Variants in CLNK observed in about 807,000 individuals in gnomAD.
CLNK encodes the protein cytokine-dependent hematopoietic cell linker.
A neutral mutation model predicts 68.6 loss-of-function variants in CLNK; 74 were observed. The ratio of observed to expected loss-of-function variants is 1.08; its 90% CI spans 0.89 to 1.31. The LOEUF (loss-of-function observed/expected upper bound fraction) is 1.31, where lower values mean the gene tolerates loss of function less well. Among genes scored for constraint, CLNK ranks in the 50% most tolerant of loss-of-function variants. The pLI is 0.00. For missense variants in CLNK, 553 were observed against 515.3 expected, an observed-to-expected ratio of 1.07 and a Z score of -0.71; for synonymous variants, 198 against 172.2, an observed-to-expected ratio of 1.15 and a Z score of -1.17.
At chr4:10,667,821 A>G (rs1471340176) in intron 2 of CLNK, 38 bp downstream of exon 2, 1 of 1,548,394 alleles carries the variant, frequency 6.5e-7, no homozygotes, top group South Asian at 1.2e-5. Flanking sequence ...CCACCAAGAA[A>G]AGGGAACTGG....
chr4:10,509,543 A>C, intron 16 of CLNK, among the ~76,000 whole-genome samples: 1 of 128,484 alleles, frequency 7.8e-6, no homozygotes, highest in East Asian at 2.3e-4. Flanking sequence ...TTTTTTTTTG[A>C]GATGGAATTT....
intron 5 of CLNK, among the ~76,000 whole-genome samples, chr4:10,570,232 A>G (rs551918888): frequency 3.9e-5 from 6 of 152,254 alleles, no homozygotes; most frequent in African/African-American, 1.4e-4. Context: ...AAGAACTGGG[A>G]TGTGAGCCTG....
intron 2 of CLNK, among the ~76,000 whole-genome samples, chr4:10,628,201 C>G (rs1450109243): frequency 1.3e-5 from 2 of 152,168 alleles, no homozygotes; most frequent in South Asian, 4.1e-4. Flanking sequence ...CCCCATGGAC[C>G]TATATGGTCT....
At chr4:10,627,051 C>T (rs551052697) in intron 2 of CLNK, among the ~76,000 whole-genome samples, 3 of 152,340 alleles carry the variant, frequency 2.0e-5, no homozygotes, top group Non-Finnish European at 4.4e-5. Flanking sequence ...GAGGTCAAAG[C>T]GGTGTCCAGG....
chr4:10,699,063 C>T, the CLNK span, among the ~76,000 whole-genome samples: 1 of 151,994 alleles, frequency 6.6e-6, no homozygotes, highest in East Asian at 1.9e-4. Context: ...GTTTTCATAC[C>T]TTTGAACACA....
intron 1 of CLNK, among the ~76,000 whole-genome samples, chr4:10,678,852 T>C (rs13132474): frequency 6.6e-6 from 1 of 151,884 alleles, no homozygotes; most frequent in African/African-American, 2.4e-5. Context: ...CACTGCTCAA[T>C]GAAATAAAAG....
At chr4:10,570,593 T>G (rs1720305195) in intron 5 of CLNK, among the ~76,000 whole-genome samples, 1 of 152,130 alleles carries the variant, frequency 6.6e-6, no homozygotes, top group Non-Finnish European at 1.5e-5. Context: ...GTTTGTATGT[T>G]TCTGGGTAAG....
chr4:10,496,272 T>G (rs1716806271), intron 18 of CLNK, among the ~76,000 whole-genome samples: 1 of 152,182 alleles, frequency 6.6e-6, no homozygotes, highest in Admixed American at 6.5e-5. Context: ...TCCTGCTGAG[T>G]TGGGTGAAGA....
At chr4:10,711,874 T>C in the CLNK span, among the ~76,000 whole-genome samples, 1 of 152,008 alleles carries the variant, frequency 6.6e-6, no homozygotes, top group African/African-American at 2.4e-5. Context: ...AAAAAGAAGG[T>C]TTGAAGTTGG....
chr4:10,570,038 G>A (rs1223575736), intron 5 of CLNK, among the ~76,000 whole-genome samples: 1 of 152,186 alleles, frequency 6.6e-6, no homozygotes, highest in Non-Finnish European at 1.5e-5. Flanking sequence ...ACAGTAAAGG[G>A]AGAGAAGGTG....
At chr4:10,611,012 C>T (rs1189756486) in intron 2 of CLNK, among the ~76,000 whole-genome samples, 1 of 150,912 alleles carries the variant, frequency 6.6e-6, no homozygotes, top group African/African-American at 2.4e-5. Context: ...GGTGAAACCC[C>T]ATCTCTACTA....
At chr4:10,610,033 G>GTTTTTT (rs71181047) in intron 2 of CLNK, among the ~76,000 whole-genome samples, 3 of 73,450 alleles carry the variant, frequency 4.1e-5, no homozygotes, top group African/African-American at 1.9e-4. Context: ...ATGAATGCTC[G>GTTTTTT]TTTTTTTTTT....
the CLNK span, among the ~76,000 whole-genome samples, chr4:10,721,371 A>G: frequency 1.3e-5 from 2 of 152,232 alleles, no homozygotes; most frequent in Non-Finnish European, 2.9e-5. Context: ...TTTATTTCTT[A>G]AAACTGCATG....
chr4:10,673,895 G>A (rs1724764039), intron 1 of CLNK, among the ~76,000 whole-genome samples: 1 of 152,172 alleles, frequency 6.6e-6, no homozygotes, highest in Admixed American at 6.5e-5. Flanking sequence ...GAGACCTTGA[G>A]AAGCTGGAAT....
intron 9 of CLNK, 34 bp downstream of exon 9, chr4:10,542,221 T>A (rs1468850455): frequency 2.1e-6 from 3 of 1,399,198 alleles, no homozygotes; most frequent in Non-Finnish European, 3.0e-6. Flanking sequence ...AAGTAAATAA[T>A]GAATAACAAA....
intron 3 of CLNK, among the ~76,000 whole-genome samples, chr4:10,592,511 T>C (rs1272211733): frequency 6.6e-6 from 1 of 151,618 alleles, no homozygotes; most frequent in Admixed American, 6.6e-5. Context: ...CTCTCCCTAT[T>C]GAAGTTTCTT....
At chr4:10,598,181 ATC>A in intron 2 of CLNK, 132 bp from the exon 3 acceptor site, 1 of 643,788 alleles carries the variant, frequency 1.6e-6, no homozygotes, top group Non-Finnish European at 2.7e-6. Context: ...ATAATTCTGA[ATC>A]TCTCTTTGCA....
rs368344186 is a variant in CLNK at position 10,558,390 on chromosome 4, G to C, written c.445+17C>G. 1 of 1,611,480 alleles carries C rather than the reference G, an allele frequency of 6.2e-7. No individual in the cohort carries two copies. Among genetic ancestry groups the C allele is most frequent in the Admixed American group, 1.7e-5 (1 of 59,994 alleles). ...TTTTCATACTTACATTTTAAACTTCGATTAACATGACTTTACCTTTAATGT... is the reference window on the plus strand; with the variant it reads ...TTTTCATACTTACATTTTAAACTTCCATTAACATGACTTTACCTTTAATGT... On this transcript the variant is annotated intron_variant, in intron 8 of 18. Transcript: ENST00000226951.
intron 18 of CLNK, 99 bp from the exon 19 acceptor site, chr4:10,490,712 G>T: frequency 1.1e-6 from 1 of 929,668 alleles, no homozygotes. Flanking sequence ...GGGAAGAGGT[G>T]AACCAATTTA....
Sources: allele counts gnomAD v4.1 joint callset (sites outside exome capture counted in the v4.1 genomes callset), GRCh38; gene constraint gnomAD v4.1.1; transcripts MANE v1.5; gene names NCBI Gene and HGNC (gene_info 2026-07-23, HGNC 2026-07-21).